ACBD6: variants seen among roughly 807,000 people sequenced by gnomAD.
The protein encoded by ACBD6 is acyl-CoA binding domain containing 6.
In ACBD6, 28 loss-of-function variants were observed where a neutral mutation model predicts 37.2. The ratio of observed to expected loss-of-function variants is 0.75; its 90% CI spans 0.56 to 1.03. ACBD6 has a LOEUF of 1.03. Ranked by LOEUF, ACBD6 falls within the 50% of genes least tolerant of loss-of-function variation. The pLI, the probability that ACBD6 is intolerant of heterozygous loss-of-function variation, is 0.00. For missense variants in ACBD6, 340 were observed against 337.4 expected, an observed-to-expected ratio of 1.01 and a Z score of -0.06; for synonymous variants, 113 against 126.8, an observed-to-expected ratio of 0.89 and a Z score of 0.73.
At chr1:180,482,958 T>C (rs911557148) in intron 3 of ACBD6, among the ~76,000 whole-genome samples, 3 of 152,226 alleles carry the variant, frequency 2.0e-5, no homozygotes, top group Non-Finnish European at 4.4e-5. Context: ...ATTATTTTCA[T>C]GAAAATATCA....
chr1:180,337,989 T>G lies in ACBD6; in HGVS notation c.664-23267A>C, dbSNP rs544353699. On this transcript the variant is annotated intron_variant, in intron 6 of 7. Coordinates refer to ENST00000367595, the MANE Select transcript of ACBD6 (RefSeq NM_032360.4). Reference sequence around the variant, plus strand: ...AGGAGAACTACAAACCACTGCTCAATCAAATAAAAGAGGATCCAAACAAAT... The same window carrying G: ...AGGAGAACTACAAACCACTGCTCAAGCAAATAAAAGAGGATCCAAACAAAT... 0.025 allele frequency among the ~76,000 whole-genome samples: 3,809 copies of G among 151,854 alleles called. 351 individuals are homozygous for G. The East Asian group carries it at 0.29, about 12-fold the overall frequency.
At chr1:180,409,314 A>G (rs1384671493) in intron 5 of ACBD6, among the ~76,000 whole-genome samples, 1 of 152,228 alleles carries the variant, frequency 6.6e-6, no homozygotes, top group Non-Finnish European at 1.5e-5. Flanking sequence ...ATAAAAAACT[A>G]CAATTTAAAA....
At position 180,434,156 on chromosome 1, in the gene ACBD6, T is replaced by C. The variant is rs539388803; in HGVS notation, c.385-3894A>G. ...GTCGGGGTCTGGACATGCCTCATTA[T>C]ACTTTCCTCCCTTTAGCATTCAGGA... is the stretch of plus-strand genomic sequence containing the variant. On this transcript the variant is annotated intron_variant, in intron 3 of 7. Transcript: ENST00000367595. Among the ~76,000 whole-genome samples the C allele has an allele frequency of 2.6e-5, 4 of 152,274 alleles. 1 individual carries two copies. In the East Asian group the frequency reaches 7.7e-4, roughly 29 times the overall value.
At chr1:180,495,550 A>G in intron 1 of ACBD6, 25 bp from the exon 2 acceptor site, 5 of 1,555,072 alleles carry the variant, frequency 3.2e-6, no homozygotes, top group Non-Finnish European at 4.4e-6. Context: ...GAAAATCAAG[A>G]ACTTATTTTT....
At chr1:180,485,659 T>C (rs1304164946) in intron 3 of ACBD6, among the ~76,000 whole-genome samples, 3 of 152,170 alleles carry the variant, frequency 2.0e-5, no homozygotes, top group Admixed American at 6.5e-5. Flanking sequence ...CCTCCACAAC[T>C]GTGAGAGAAT....
intron 1 of ACBD6, among the ~76,000 whole-genome samples, chr1:180,500,875 T>C (rs1420481265): frequency 6.6e-6 from 1 of 151,120 alleles, no homozygotes; most frequent in African/African-American, 2.5e-5. Flanking sequence ...ATGTTTTTGC[T>C]TCTCTGCAAA....
intron 4 of ACBD6, among the ~76,000 whole-genome samples, chr1:180,418,503 C>T (rs556293679): frequency 2.6e-5 from 4 of 151,834 alleles, no homozygotes; most frequent in African/African-American, 9.7e-5. Flanking sequence ...CAATTAAGCA[C>T]AGGAGTTTGA....
intron 6 of ACBD6, among the ~76,000 whole-genome samples, chr1:180,329,708 T>C (rs576765495): frequency 4.6e-5 from 7 of 152,276 alleles, no homozygotes; most frequent in Non-Finnish European, 8.8e-5. Context: ...TCAAATAGAA[T>C]CTGGAATGAC....
intron 7 of ACBD6, among the ~76,000 whole-genome samples, chr1:180,312,162 A>T (rs547795484): frequency 1.3e-5 from 2 of 152,288 alleles, no homozygotes; most frequent in East Asian, 3.9e-4. Context: ...TTGTAGTTTG[A>T]CTTGGCAGAA....
chr1:180,285,774 T>C (rs1316928783), downstream of ACBD6, among the ~76,000 whole-genome samples: 1 of 152,160 alleles, frequency 6.6e-6, no homozygotes, highest in East Asian at 1.9e-4. Context: ...AAAGGTTCAC[T>C]GGATTATAGC....
exon 10 of ACBD6, chr1:180,274,825 G>A (rs1648928017): frequency 4.4e-6 from 2 of 452,462 alleles, no homozygotes; most frequent in Non-Finnish European, 7.8e-6. Flanking sequence ...GAGCTCTAGG[G>A]ACACTGGCTT....
intron 6 of ACBD6, among the ~76,000 whole-genome samples, chr1:180,351,239 C>T (rs1354190739): frequency 6.6e-6 from 1 of 151,186 alleles, no homozygotes; most frequent in Non-Finnish European, 1.5e-5. Context: ...TTTCAGGTAT[C>T]CCTTTAATCT....
chr1:180,448,696 C>T (rs1266486072), intron 3 of ACBD6, among the ~76,000 whole-genome samples: 1 of 152,156 alleles, frequency 6.6e-6, no homozygotes, highest in East Asian at 1.9e-4. Flanking sequence ...CATAAAAACC[C>T]CTTTTAGCTT....
chr1:180,382,114 CAAA>C (rs59973107), intron 6 of ACBD6, among the ~76,000 whole-genome samples: 7 of 112,156 alleles, frequency 6.2e-5, no homozygotes, highest in Admixed American at 9.2e-5. Context: ...GACTGCATCT[CAAA>C]AAAAAAAAAA....
At chr1:180,448,534 C>T (rs1450443826) in intron 3 of ACBD6, among the ~76,000 whole-genome samples, 1 of 152,054 alleles carries the variant, frequency 6.6e-6, no homozygotes, top group Non-Finnish European at 1.5e-5. Flanking sequence ...TGTTGTCCTA[C>T]TTGATTTTGA....
chr1:180,375,336 C>CA (rs1653393367), intron 6 of ACBD6, among the ~76,000 whole-genome samples: 1 of 150,498 alleles, frequency 6.6e-6, no homozygotes, highest in Non-Finnish European at 1.5e-5. Flanking sequence ...AGGGAACAGA[C>CA]TGTTTTTTTT....
chr1:180,399,075 T>C (rs1647237937), intron 5 of ACBD6, among the ~76,000 whole-genome samples: 1 of 152,228 alleles, frequency 6.6e-6, no homozygotes, highest in Admixed American at 6.5e-5. Flanking sequence ...AATTGTCTTC[T>C]TCTTTTGCTT....
intron 7 of ACBD6, among the ~76,000 whole-genome samples, chr1:180,303,661 G>A (rs199576806): frequency 2.7e-5 from 4 of 150,712 alleles, no homozygotes; most frequent in South Asian, 4.2e-4. Context: ...ATTCACAGCC[G>A]AATTCCACCA....
rs1014596567 is a variant in ACBD6, at chr1:180,502,568, G to T, written c.-302C>A. 2 of 422,538 alleles carry T rather than the reference G, an allele frequency of 4.7e-6. No individual in the cohort carries two copies. The highest frequency in any genetic ancestry group is 2.0e-5 in the African/African-American group (1 of 49,290). The allele number at this position is 422,538 out of a possible 1,614,324, so 26.2% of individuals were successfully genotyped here. The stretch of plus-strand genomic sequence containing the variant: ...AGGCCCCTCCAACGGAACAGGAGTC[G>T]AGGGGCAGTGAGGCCGGGATGCGTG... On this transcript the variant is annotated 5_prime_UTR_variant, in exon 1 of 8. Transcript: ENST00000367595.
Sources: gnomAD v4.1 joint callset for allele counts (sites outside exome capture counted in the v4.1 genomes callset) on GRCh38, gnomAD v4.1.1 for gene constraint, MANE v1.5 for transcripts, NCBI Gene and HGNC (gene_info 2026-07-23, HGNC 2026-07-21) for gene names.